Variants in PRKN observed in about 807,000 individuals in gnomAD.
PRKN encodes the protein E3 ubiquitin-protein ligase parkin.
Under a neutral mutation model 59.5 loss-of-function variants are expected in PRKN, and 56 were observed. That is an observed-to-expected ratio of 0.94 (90% CI 0.76 to 1.18). PRKN has a LOEUF of 1.18. Ranked by LOEUF, PRKN falls within the 50% of genes most tolerant of loss-of-function variation. PRKN has a pLI of 0.00. For missense variants in PRKN, 657 were observed against 596.4 expected (o/e 1.10, Z -1.06); for synonymous variants, 250 against 222.1 (o/e 1.13, Z -1.12).
chr6:161,559,400 A>G (rs909732676), intron 8 of PRKN, among the ~76,000 whole-genome samples: 1 of 152,214 alleles, frequency 6.6e-6, no homozygotes, highest in Admixed American at 6.5e-5. Context: ...CTCCTGATGG[A>G]GCGCACTGCA....
At chr6:162,367,529 C>T (rs1785512905) in intron 2 of PRKN, among the ~76,000 whole-genome samples, 1 of 152,000 alleles carries the variant, frequency 6.6e-6, no homozygotes, top group Non-Finnish European at 1.5e-5. Context: ...CAATGAAAAC[C>T]CATGCTCATA....
At chr6:161,358,754 G>C (rs1449515397) in intron 11 of PRKN, among the ~76,000 whole-genome samples, 1 of 148,388 alleles carries the variant, frequency 6.7e-6, no homozygotes, top group Admixed American at 6.7e-5. Flanking sequence ...GACTAGAGAA[G>C]CTCTTTCCTT....
chr6:161,902,524 G>GTCTATCTA (rs557665439), intron 6 of PRKN, among the ~76,000 whole-genome samples: 57 of 133,108 alleles, frequency 4.3e-4, no homozygotes, highest in African/African-American at 7.9e-4. Flanking sequence ...ATAGACATCC[G>GTCTATCTA]TCTATCTATC....
intron 5 of PRKN, among the ~76,000 whole-genome samples, chr6:161,997,236 A>G (rs1781882114): frequency 6.6e-6 from 1 of 152,042 alleles, no homozygotes; most frequent in South Asian, 2.1e-4. Flanking sequence ...CTGCGAAAAA[A>G]TTTATTTCTA....
intron 2 of PRKN, among the ~76,000 whole-genome samples, chr6:162,270,458 CACTA>C (rs906654279): frequency 4.8e-4 from 73 of 152,234 alleles, no homozygotes; most frequent in African/African-American, 1.7e-3. Flanking sequence ...CACAAATCAC[CACTA>C]ACTAACTTAC....
intron 4 of PRKN, among the ~76,000 whole-genome samples, chr6:162,124,701 C>T (rs1051299345): frequency 5.3e-5 from 8 of 152,050 alleles, no homozygotes; most frequent in Middle Eastern, 3.4e-3. Context: ...GAAAATGCCA[C>T]GGGATTAAAA....
chr6:162,274,978 G>A (rs1780564246), intron 2 of PRKN: 1 of 151,670 alleles, frequency 6.6e-6, no homozygotes, highest in African/African-American at 2.4e-5. Flanking sequence ...CTACTCGGGA[G>A]GCTGAGGCAA....
intron 7 of PRKN, 70 bp downstream of exon 7, chr6:161,785,702 T>C: frequency 6.7e-7 from 1 of 1,493,816 alleles, no homozygotes; most frequent in South Asian, 1.2e-5. Flanking sequence ...TCTAAGCCAG[T>C]TTTACATCAA....
At chr6:161,500,926 A>C (rs925229762) in intron 9 of PRKN, among the ~76,000 whole-genome samples, 2 of 126,264 alleles carry the variant, frequency 1.6e-5, no homozygotes, top group Non-Finnish European at 3.1e-5. Flanking sequence ...CCCGGGCTGG[A>C]GTGCAATGGC....
intron 2 of PRKN, among the ~76,000 whole-genome samples, chr6:162,326,629 G>T (rs1268706238): frequency 6.6e-6 from 1 of 152,106 alleles, no homozygotes; most frequent in African/African-American, 2.4e-5. Context: ...TGAGGCAGAA[G>T]AGATTCATAA....
At chr6:161,514,863 T>C (rs1361804407) in intron 9 of PRKN, among the ~76,000 whole-genome samples, 1 of 152,160 alleles carries the variant, frequency 6.6e-6, no homozygotes, top group Non-Finnish European at 1.5e-5. Flanking sequence ...AGCTCCTTAG[T>C]GCTGCCGTCA....
chr6:161,738,743 G>A (rs537283489), intron 7 of PRKN, among the ~76,000 whole-genome samples: 32 of 152,226 alleles, frequency 2.1e-4, no homozygotes, highest in African/African-American at 7.5e-4. Flanking sequence ...TGCAGGTGGG[G>A]GTCCAGCATC....
chr6:161,490,330 TTG>T, intron 9 of PRKN, among the ~76,000 whole-genome samples: 1 of 145,630 alleles, frequency 6.9e-6, no homozygotes, highest in South Asian at 2.2e-4. Flanking sequence ...GCTTGCTTGC[TTG>T]CTTGCTTTCT....
chr6:161,837,378 G>T (rs1311375719), intron 6 of PRKN, among the ~76,000 whole-genome samples: 1 of 152,164 alleles, frequency 6.6e-6, no homozygotes, highest in Non-Finnish European at 1.5e-5. Context: ...GAGTGTGTTT[G>T]TTTTTTAAAA....
intron 4 of PRKN, among the ~76,000 whole-genome samples, chr6:162,179,968 C>CTGTGTGTGTGTGTGTGTG (rs61592555): frequency 0.021 from 2,933 of 139,448 alleles, 69 homozygotes; most frequent in Middle Eastern, 0.056. Flanking sequence ...TATCTTATTA[C>CTGTGTGTGTGTGTGTGTG]TGTGTGTGTG....
chr6:161,604,791 C>T (rs11759021), intron 7 of PRKN, among the ~76,000 whole-genome samples: 1,851 of 152,148 alleles, frequency 0.012, 69 homozygotes, highest in Non-Finnish European at 0.01. Flanking sequence ...AAAAAAGAGC[C>T]GGGTGAGCTG....
intron 2 of PRKN, among the ~76,000 whole-genome samples, chr6:162,335,051 T>C (rs1252077376): frequency 6.6e-6 from 1 of 152,168 alleles, no homozygotes; most frequent in Non-Finnish European, 1.5e-5. Context: ...TCTTGCTCTG[T>C]CCTCCAGGCT....
chr6:161,932,464 T>C (rs1212717446), intron 6 of PRKN, among the ~76,000 whole-genome samples: 1 of 152,226 alleles, frequency 6.6e-6, no homozygotes, highest in Non-Finnish European at 1.5e-5. Context: ...AATCATTTGA[T>C]ACTCAGAAAA....
intron 6 of PRKN, among the ~76,000 whole-genome samples, chr6:161,953,507 C>A (rs1344814477): frequency 6.6e-6 from 1 of 152,152 alleles, no homozygotes; most frequent in African/African-American, 2.4e-5. Context: ...AGGATAAATA[C>A]AAACAGCCAG....
Sources: allele counts gnomAD v4.1 joint callset (sites outside exome capture counted in the v4.1 genomes callset), GRCh38; gene constraint gnomAD v4.1.1; transcripts MANE v1.5; gene names NCBI Gene and HGNC (gene_info 2026-07-23, HGNC 2026-07-21).